Variants in ERC1 observed in about 807,000 individuals in gnomAD.
ERC1 encodes ELKS/RAB6-interacting/CAST family member 1.
A neutral mutation model predicts 132.0 loss-of-function variants in ERC1; 56 were observed. The ratio of observed to expected loss-of-function variants is 0.42; its 90% CI spans 0.34 to 0.53. The LOEUF is 0.53. ERC1 is among the 20% of genes least tolerant of loss of function. ERC1 has a pLI of 0.03. For synonymous variants in ERC1, 478 were observed against 476.1 expected (o/e 1.00, Z -0.05); for missense variants, 1,202 against 1,349.9 (o/e 0.89, Z 1.72).
intron 17 of ERC1, 81 bp from the exon 18 acceptor site, chr12:1,444,481 A>G (rs1215140717): frequency 4.1e-6 from 4 of 967,928 alleles, no homozygotes; most frequent in Non-Finnish European, 6.1e-6. Context: ...TGGAAAGCAT[A>G]AAGAATATTT....
intron 2 of ERC1, among the ~76,000 whole-genome samples, chr12:1,038,038 C>T (rs1280653467): frequency 1.3e-5 from 2 of 150,890 alleles, no homozygotes; most frequent in Non-Finnish European, 3.0e-5. Context: ...GAGCAAGACT[C>T]CGTCTCAAAA....
intron 18 of ERC1, among the ~76,000 whole-genome samples, chr12:1,476,160 G>A (rs1183861815): frequency 6.6e-6 from 1 of 151,780 alleles, no homozygotes; most frequent in Non-Finnish European, 1.5e-5. Flanking sequence ...GGAGGCTGAG[G>A]CAGGAGAATG....
rs913475986 is a variant in ERC1, at chr12:1,394,268, C to T, written c.2926-13881C>T. ...ACAAAAAATTAGCCAGGCGTGGTGGCGGGCTCCTGTAGTCCCAGCTACTGG... is the reference window on the plus strand; with the variant it reads ...ACAAAAAATTAGCCAGGCGTGGTGGTGGGCTCCTGTAGTCCCAGCTACTGG... On this transcript the variant is annotated intron_variant, in intron 16 of 18. Transcript: ENST00000360905. Among the ~76,000 whole-genome samples, 7 of 151,044 alleles carry T rather than the reference C, an allele frequency of 4.6e-5. No homozygotes were observed. In the South Asian group the frequency reaches 1.0e-3, roughly 23 times the overall value.
At chr12:1,375,164 A>G (rs1484347329) in intron 16 of ERC1, among the ~76,000 whole-genome samples, 1 of 152,206 alleles carries the variant, frequency 6.6e-6, no homozygotes, top group Non-Finnish European at 1.5e-5. Context: ...TGTAAAGACA[A>G]GAGGTTTAGC....
intron 15 of ERC1, among the ~76,000 whole-genome samples, chr12:1,369,001 G>C (rs762860996): frequency 6.6e-6 from 1 of 152,108 alleles, no homozygotes; most frequent in Non-Finnish European, 1.5e-5. Flanking sequence ...TGAGAGCCAT[G>C]GTCATAGGAG....
rs1015181197 is a variant in ERC1 at position 1,438,954 on chromosome 12, A to AAAAAAAATAT, written c.3025-5607_3025-5606insAAAAAATATA. Among the ~76,000 whole-genome samples the AAAAAAAATAT allele has an allele frequency of 1.7e-4, 25 of 143,580 alleles. 1 individual carries two copies. The highest frequency in any genetic ancestry group is 6.5e-4 in the African/African-American group (25 of 38,228). 94.2% of individuals were successfully genotyped at this position (143,580 alleles called of 152,430 possible). A position where few individuals can be genotyped will look rare whatever the true frequency, so the allele number is the denominator to read the frequency against. On this transcript the variant is annotated intron_variant, in intron 17 of 18. Coordinates refer to ENST00000360905, the MANE Select transcript of ERC1 (RefSeq NM_178040.4). ...GAGACCTTGTCTCAATTTAAAAAAA[A>AAAAAAAATAT]ATATATATATATATATAAAAAATGA...
chr12:1,014,913 G>A (rs758601205), intron 1 of ERC1, among the ~76,000 whole-genome samples: 10 of 151,494 alleles, frequency 6.6e-5, no homozygotes, highest in African/African-American at 1.5e-4. Context: ...ACAGGTGTGC[G>A]CCACCATGCC....
intron 7 of ERC1, among the ~76,000 whole-genome samples, chr12:1,124,770 T>G (rs537278887): frequency 6.6e-6 from 1 of 152,162 alleles, no homozygotes; most frequent in Admixed American, 6.5e-5. Context: ...CTACAGAGTT[T>G]AAAAATAATA....
At chr12:990,483 C>G (rs1395244539), upstream of ERC1, 4 of 152,202 alleles carry the variant, frequency 2.6e-5, no homozygotes, top group Non-Finnish European at 5.9e-5. Flanking sequence ...AAACAGCTCC[C>G]GAAGCAGCGT....
At chr12:1,002,879 T>C (rs1962677297) in intron 1 of ERC1, among the ~76,000 whole-genome samples, 1 of 152,028 alleles carries the variant, frequency 6.6e-6, no homozygotes, top group Admixed American at 6.6e-5. Context: ...GAGTTCCTTA[T>C]ATATTTTGGA....
chr12:1,070,248 T>C (rs1940076917), intron 2 of ERC1, among the ~76,000 whole-genome samples: 1 of 152,208 alleles, frequency 6.6e-6, no homozygotes, highest in Non-Finnish European at 1.5e-5. Flanking sequence ...CTGGAAGTGT[T>C]CTTTAAAATC....
At position 1,170,738 on chromosome 12, in the gene ERC1, C is replaced by T. The variant is rs544701209; in HGVS notation, c.1738-9802C>T. ...GTCATTGTATCCAGTTGTTCTAATG[C>T]GAGAGGCCCCTAGTTCCATGATCTG... is the stretch of plus-strand genomic sequence containing the variant. On this transcript the variant is annotated intron_variant, in intron 8 of 18. Coordinates refer to ENST00000360905, the MANE Select transcript of ERC1 (RefSeq NM_178040.4). 3.3e-5 allele frequency among the ~76,000 whole-genome samples: 5 copies of T among 152,240 alleles called. No homozygotes were observed. In the South Asian group the frequency reaches 6.2e-4, roughly 19 times the overall value.
chr12:1,208,704 T>C (rs1259004576), intron 12 of ERC1, among the ~76,000 whole-genome samples: 2 of 152,174 alleles, frequency 1.3e-5, no homozygotes, highest in African/African-American at 4.8e-5. Flanking sequence ...TGTCTTCTTT[T>C]GATTATACTA....
intron 7 of ERC1, 128 bp downstream of exon 7, chr12:1,116,161 C>T (rs1041853212): frequency 4.5e-5 from 34 of 761,550 alleles, no homozygotes; most frequent in African/African-American, 2.6e-4. Flanking sequence ...TCTTCAGCAG[C>T]GTGATCAGTC....
In ERC1 at chr12:1,409,720, T is replaced by C. The variant is rs143901686; in HGVS notation, c.3024+1473T>C. On this transcript the variant is annotated intron_variant, in intron 17 of 18. Coordinates refer to ENST00000360905, the MANE Select transcript of ERC1 (RefSeq NM_178040.4). ...CCATATACTGTGTTTTGTTTTGTTT[T>C]GTTTTTGAGATGGAGTCTTGCTGCG... is the stretch of plus-strand genomic sequence containing the variant. Among the ~76,000 whole-genome samples, 288 of 152,290 alleles carry C rather than the reference T, an allele frequency of 1.9e-3. 1 individual carries two copies. Among genetic ancestry groups the C allele is most frequent in the African/African-American group, 6.7e-3 (280 of 41,548 alleles).
At chr12:1,404,082 C>T (rs998739616) in intron 16 of ERC1, among the ~76,000 whole-genome samples, 4 of 152,304 alleles carry the variant, frequency 2.6e-5, no homozygotes, top group African/African-American at 9.6e-5. Context: ...AACAAAATAA[C>T]TCAGACTGAG....
At chr12:1,018,334 C>T (rs138773315) in intron 1 of ERC1, among the ~76,000 whole-genome samples, 2,486 of 152,304 alleles carry the variant, frequency 0.016, 23 homozygotes, top group Non-Finnish European at 0.027. Flanking sequence ...CCTCCCTCAG[C>T]CTGTGGAGCT....
At chr12:1,320,572 A>G (rs920537253) in intron 15 of ERC1, among the ~76,000 whole-genome samples, 1 of 152,246 alleles carries the variant, frequency 6.6e-6, no homozygotes, top group Non-Finnish European at 1.5e-5. Context: ...GTAATGCAGA[A>G]TTTTCATAAG....
At chr12:1,355,580 G>A (rs1268048879) in intron 15 of ERC1, among the ~76,000 whole-genome samples, 2 of 152,164 alleles carry the variant, frequency 1.3e-5, no homozygotes, top group African/African-American at 4.8e-5. Flanking sequence ...GTACTTCTGT[G>A]GAATGTGCTT....
Sources: gnomAD v4.1 joint callset for allele counts (sites outside exome capture counted in the v4.1 genomes callset) on GRCh38, gnomAD v4.1.1 for gene constraint, MANE v1.5 for transcripts, NCBI Gene and HGNC (gene_info 2026-07-23, HGNC 2026-07-21) for gene names.